The following CHD9 variants were observed in gnomAD, a reference collection of about 807,000 sequenced individuals.
CHD9 encodes chromodomain helicase DNA binding protein 9, also known as ATP-dependent chromatin remodeler CHD9.
A neutral mutation model predicts 316.1 loss-of-function variants in CHD9; 77 were observed. That is an observed-to-expected ratio of 0.24 (90% CI 0.20 to 0.29). The LOEUF (loss-of-function observed/expected upper bound fraction) is 0.29. Ranked by LOEUF, CHD9 falls within the 10% of genes least tolerant of loss-of-function variation. CHD9 has a pLI of 1.00. For synonymous variants in CHD9, 1,129 were observed against 1,158.3 expected (o/e 0.97, Z 0.51); for missense variants, 2,763 against 3,438.1 (o/e 0.80, Z 4.91).
At chr16:53,170,716 A>G (rs1247473248) in intron 2 of CHD9, among the ~76,000 whole-genome samples, 2 of 151,896 alleles carry the variant, frequency 1.3e-5, no homozygotes, top group African/African-American at 2.4e-5. Flanking sequence ...GCCCTTACTT[A>G]GTATTTTATT....
chr16:53,151,595 T>C (rs956712856), intron 1 of CHD9, among the ~76,000 whole-genome samples: 8 of 152,072 alleles, frequency 5.3e-5, no homozygotes, highest in Admixed American at 2.0e-4. Flanking sequence ...TATTGGAGAA[T>C]CTGGTAATTT....
intron 2 of CHD9, among the ~76,000 whole-genome samples, chr16:53,198,068 G>T (rs927562521): frequency 6.6e-6 from 1 of 151,982 alleles, no homozygotes; most frequent in Non-Finnish European, 1.5e-5. Flanking sequence ...CCAACCATGG[G>T]TTTTTCTATA....
intron 1 of CHD9, among the ~76,000 whole-genome samples, chr16:53,092,408 CTG>C (rs1263022524): frequency 2.0e-5 from 3 of 152,198 alleles, no homozygotes; most frequent in African/African-American, 7.2e-5. Context: ...GATAATGTCT[CTG>C]TACTGCTACC....
chr16:53,163,684 A>G (rs1204037628), intron 2 of CHD9, among the ~76,000 whole-genome samples: 2 of 152,186 alleles, frequency 1.3e-5, no homozygotes, highest in Non-Finnish European at 2.9e-5. Flanking sequence ...AACCATTGTA[A>G]TGTTGCTAAA....
intron 24 of CHD9, among the ~76,000 whole-genome samples, chr16:53,277,987 A>G (rs2053021062): frequency 6.6e-6 from 1 of 152,056 alleles, no homozygotes; most frequent in South Asian, 2.1e-4. Context: ...AATTAAATCA[A>G]GAACTCAACT....
In CHD9 at chr16:53,245,543, T is replaced by C; in HGVS notation, c.3199-52T>C. On this transcript the variant is annotated intron_variant, in intron 14 of 38. Transcript: ENST00000447540. The surrounding 1 kb of genome is among the most constrained non-coding windows in gnomAD (Gnocchi z 4.1). ...CTAATCATTGTAATTATTTTGTATG[T>C]GTAATTAAATGCTCACTTATGTTAT... is the stretch of plus-strand genomic sequence containing the variant. 6.5e-7 allele frequency: 1 copy of C among 1,532,716 alleles called. No individual in the cohort carries two copies. Among genetic ancestry groups the C allele is most frequent in the Non-Finnish European group, 8.7e-7 (1 of 1,143,238 alleles). The allele number at this position is 1,532,716 out of a possible 1,614,324, so 94.9% of individuals were successfully genotyped here. A position where few individuals can be genotyped will look rare whatever the true frequency, so the allele number is the denominator to read the frequency against.
chr16:53,150,527 A>G (rs946840130), intron 1 of CHD9, among the ~76,000 whole-genome samples: 1 of 152,184 alleles, frequency 6.6e-6, no homozygotes, highest in African/African-American at 2.4e-5. Flanking sequence ...CAAAGGTACA[A>G]TAATGCTGGC....
Position 53,227,426 on chromosome 16 carries a change from G to A in CHD9, c.2074G>A (p.Val692Ile). The change falls in exon 6 of 39, where the codon GTA becomes ATA. Residue 692 changes from valine (V) to isoleucine (I), a missense_variant. Physicochemically the swap from Val to Ile is conservative, Grantham distance 29. Transcript: ENST00000447540. ...TCCGAGTGAAGAAGATGCTGCAATT[G>A]TAGACAAAATTCTATCTTCTAGAAC... ...ENPSEEDAAI[V>I]DKILSSRTVK... 1.3e-6 allele frequency: 2 copies of A among 1,571,498 alleles called. No homozygotes were observed. The highest frequency in any genetic ancestry group is 1.9e-5 in the Admixed American group (1 of 53,534).
intron 22 of CHD9, among the ~76,000 whole-genome samples, chr16:53,272,346 G>A (rs2052355823): frequency 6.6e-6 from 1 of 151,198 alleles, no homozygotes. Context: ...AAAATGTAAA[G>A]GCAAAAGAAA....
At chr16:53,147,442 A>G (rs577015702) in intron 1 of CHD9, among the ~76,000 whole-genome samples, 2 of 152,346 alleles carry the variant, frequency 1.3e-5, no homozygotes, top group African/African-American at 2.4e-5. Context: ...TTGTACAACC[A>G]TCACCACTAC....
chr16:53,321,870 CAA>C lies in CHD9; in HGVS notation c.7818+242_7818+243del, dbSNP rs781679458. Reference sequence around the variant, plus strand: ...CTAAGATACCATTTGAATGATGCCACAAAGAGTAATCAAATATATGAGCAAAT... The same window carrying C: ...CTAAGATACCATTTGAATGATGCCACAGAGTAATCAAATATATGAGCAAAT... On this transcript the variant is annotated intron_variant, in intron 38 of 38. Transcript: ENST00000447540. Among the ~76,000 whole-genome samples the C allele has an allele frequency of 7.0e-4, 107 of 151,798 alleles. 2 individuals carry two copies. The highest frequency in any genetic ancestry group is 3.5e-4 in the Non-Finnish European group (24 of 67,958).
At chr16:53,105,431 TTATTC>T (rs1283946509) in intron 1 of CHD9, among the ~76,000 whole-genome samples, 1 of 152,244 alleles carries the variant, frequency 6.6e-6, no homozygotes, top group Non-Finnish European at 1.5e-5. Context: ...TCATTTGAAA[TTATTC>T]TATTAGTAAT....
At chr16:53,167,620 CTT>C (rs140656968) in intron 2 of CHD9, among the ~76,000 whole-genome samples, 5,126 of 149,584 alleles carry the variant, frequency 0.034, 291 homozygotes, top group African/African-American at 0.12. Context: ...TAGCTTAGCT[CTT>C]TGTTTCATGG....
chr16:53,178,844 T>C (rs2043274826), intron 2 of CHD9, among the ~76,000 whole-genome samples: 1 of 152,190 alleles, frequency 6.6e-6, no homozygotes, highest in African/African-American at 2.4e-5. Context: ...TACTTGGGAT[T>C]CTGGACTTTA....
intron 1 of CHD9, among the ~76,000 whole-genome samples, chr16:53,143,047 A>G (rs897686500): frequency 2.6e-5 from 4 of 152,178 alleles, no homozygotes; most frequent in African/African-American, 9.7e-5. Flanking sequence ...CTTGATGACT[A>G]ACCTACTCCT....
intron 2 of CHD9, chr16:53,208,537 G>C: frequency 3.8e-6 from 4 of 1,046,188 alleles, no homozygotes; most frequent in Non-Finnish European, 4.6e-6. Context: ...TGGCATTTTA[G>C]TGAGCAATTC....
At chr16:53,092,499 A>G (rs963690825) in intron 1 of CHD9, among the ~76,000 whole-genome samples, 12 of 152,144 alleles carry the variant, frequency 7.9e-5, no homozygotes, top group East Asian at 1.9e-4. Context: ...CAGATGTCCC[A>G]TGAAGGTGAT....
At chr16:53,279,574 A>G (rs1041705989) in intron 24 of CHD9, among the ~76,000 whole-genome samples, 1 of 152,200 alleles carries the variant, frequency 6.6e-6, no homozygotes, top group African/African-American at 2.4e-5. Flanking sequence ...TAAAAATTCT[A>G]GAAGATAACA....
chr16:53,195,384 A>G (rs564764741), intron 2 of CHD9, among the ~76,000 whole-genome samples: 2 of 152,216 alleles, frequency 1.3e-5, no homozygotes, highest in Non-Finnish European at 2.9e-5. Flanking sequence ...GTTACAAATT[A>G]CCACATATTT....
Sources: allele counts gnomAD v4.1 joint callset (sites outside exome capture counted in the v4.1 genomes callset), GRCh38; gene constraint gnomAD v4.1.1; non-coding constraint Gnocchi (gnomAD v3.1); transcripts MANE v1.5; gene names NCBI Gene and HGNC (gene_info 2026-07-23, HGNC 2026-07-21).